The following NGEF variants were observed in gnomAD, a reference collection of about 807,000 sequenced individuals.
The protein encoded by NGEF is neuronal guanine nucleotide exchange factor, also known as ephexin-1.
NGEF carries 31 observed loss-of-function variants against 80.9 expected under a neutral mutation model. The ratio of observed to expected loss-of-function variants is 0.38; its 90% confidence interval spans 0.29 to 0.52. The LOEUF (loss-of-function observed/expected upper bound fraction) is 0.52, where lower values mean the gene tolerates loss of function less well. Ranked by LOEUF, NGEF falls within the 20% of genes least tolerant of loss-of-function variation. NGEF has a pLI of 0.84. For synonymous variants in NGEF, 371 were observed against 370.2 expected, an observed-to-expected ratio of 1.00 and a Z score of -0.03; for missense variants, 709 against 926.2, an observed-to-expected ratio of 0.77 and a Z score of 3.04.
At chr2:233,003,027 G>C (rs1695012963) in intron 1 of NGEF, among the ~76,000 whole-genome samples, 1 of 152,182 alleles carries the variant, frequency 6.6e-6, no homozygotes, top group Non-Finnish European at 1.5e-5. Context: ...TCTAGGGGGA[G>C]GGTGCACGCC....
chr2:232,944,435 G>C lies in NGEF; in HGVS notation c.384-17249C>G, dbSNP rs191657797. Among the ~76,000 whole-genome samples, 27 of 152,094 alleles carry C rather than the reference G, an allele frequency of 1.8e-4. No homozygotes were observed. In the East Asian group the frequency reaches 5.0e-3, roughly 28 times the overall value. On this transcript the variant is annotated intron_variant, in intron 3 of 14. Transcript: ENST00000264051. The stretch of plus-strand genomic sequence containing the variant: ...CTGAGTACCTATCCTAAGGAGACTG[G>C]TTGAATGAACCATGGTATAGTCACC...
chr2:232,979,522 C>T (rs1295913698), intron 1 of NGEF, among the ~76,000 whole-genome samples: 1 of 152,222 alleles, frequency 6.6e-6, no homozygotes, highest in Non-Finnish European at 1.5e-5. Flanking sequence ...TAACGATTAA[C>T]TGCCAGAAAA....
chr2:232,992,007 G>A (rs1694660306), intron 1 of NGEF, among the ~76,000 whole-genome samples: 1 of 152,134 alleles, frequency 6.6e-6, no homozygotes, highest in Non-Finnish European at 1.5e-5. Flanking sequence ...ATAGTGCTGG[G>A]ACAACTGGGT....
intron 5 of NGEF, among the ~76,000 whole-genome samples, chr2:232,902,206 G>A (rs1692377015): frequency 1.3e-5 from 2 of 152,222 alleles, no homozygotes; most frequent in East Asian, 1.9e-4. Flanking sequence ...TGCTGCTGGT[G>A]CAGTCATTTA....
intron 1 of NGEF, among the ~76,000 whole-genome samples, chr2:232,988,036 CGTGTGTGT>C (rs57143286): frequency 0.028 from 3,873 of 140,328 alleles, 185 homozygotes; most frequent in African/African-American, 0.094. Context: ...GGGATGGTCT[CGTGTGTGT>C]GTGTGTGTGT....
At chr2:232,957,312 T>C (rs566231757) in intron 3 of NGEF, among the ~76,000 whole-genome samples, 1 of 152,186 alleles carries the variant, frequency 6.6e-6, no homozygotes, top group South Asian at 2.1e-4. Context: ...ATTATTATTA[T>C]TACTACTACT....
intron 1 of NGEF, among the ~76,000 whole-genome samples, chr2:232,993,196 T>TTA (rs1489215162): frequency 1.5e-5 from 2 of 134,062 alleles, no homozygotes; most frequent in Non-Finnish European, 3.1e-5. Context: ...ATATATTTAT[T>TTA]TATATATATA....
chr2:232,894,219 G>A (rs1171991437), intron 6 of NGEF, among the ~76,000 whole-genome samples: 4 of 152,170 alleles, frequency 2.6e-5, no homozygotes, highest in Admixed American at 1.3e-4. Flanking sequence ...GCTGCAGCTC[G>A]GCCCAGGCTT....
chr2:232,893,716 C>T (rs1250245751), intron 6 of NGEF, among the ~76,000 whole-genome samples: 1 of 152,056 alleles, frequency 6.6e-6, no homozygotes, highest in Non-Finnish European at 1.5e-5. Flanking sequence ...CGGAGGTTGC[C>T]ATGAGTTGAG....
chr2:232,887,551 A>G (rs1691731029), intron 9 of NGEF, among the ~76,000 whole-genome samples: 1 of 152,126 alleles, frequency 6.6e-6, no homozygotes, highest in Admixed American at 6.5e-5. Flanking sequence ...ATCAGGGCAC[A>G]GGGAAAGTGG....
chr2:233,003,599 C>T (rs1574666040), intron 1 of NGEF, among the ~76,000 whole-genome samples: 1 of 152,280 alleles, frequency 6.6e-6, no homozygotes, highest in Non-Finnish European at 1.5e-5. Context: ...CCTGCCCTAC[C>T]ACCCCCACTG....
At chr2:232,898,091 C>T (rs574828713) in intron 5 of NGEF, among the ~76,000 whole-genome samples, 3 of 152,328 alleles carry the variant, frequency 2.0e-5, no homozygotes, top group South Asian at 2.1e-4. Context: ...TTCTCAGCTA[C>T]AGATGCTGTT....
intron 1 of NGEF, among the ~76,000 whole-genome samples, chr2:232,991,005 C>A (rs1230723288): frequency 6.6e-6 from 1 of 151,536 alleles, no homozygotes; most frequent in Non-Finnish European, 1.5e-5. Flanking sequence ...AGGCATATGA[C>A]ATCAAATAGT....
intron 1 of NGEF, among the ~76,000 whole-genome samples, chr2:232,996,503 A>G (rs1694852317): frequency 6.6e-6 from 1 of 152,232 alleles, no homozygotes; most frequent in Non-Finnish European, 1.5e-5. Flanking sequence ...TTCCCTTGGT[A>G]TCCGTGGGGG....
At chr2:232,888,946 G>A (rs920530816) in intron 8 of NGEF, among the ~76,000 whole-genome samples, 2 of 152,018 alleles carry the variant, frequency 1.3e-5, no homozygotes, top group African/African-American at 2.4e-5. Flanking sequence ...CCATGCCCAC[G>A]TTTTCTGACT....
chr2:232,978,147 C>T (rs764795285), intron 1 of NGEF, among the ~76,000 whole-genome samples: 1 of 132,516 alleles, frequency 7.5e-6, no homozygotes, highest in Admixed American at 7.6e-5. Flanking sequence ...GTGTTGTGAT[C>T]CTAACATGAA....
intron 5 of NGEF, among the ~76,000 whole-genome samples, chr2:232,906,542 G>A (rs112185694): frequency 5.4e-4 from 6 of 11,148 alleles, no homozygotes; most frequent in Admixed American, 1.7e-3. Context: ...CCCCCCGCCC[G>A]GTCAGCCGCC....
chr2:232,908,988 TCGGGTTTTTTAAGTAGGAAA>T (rs978573908), intron 5 of NGEF, among the ~76,000 whole-genome samples: 1 of 152,222 alleles, frequency 6.6e-6, no homozygotes, highest in African/African-American at 2.4e-5. Flanking sequence ...TTTGATTCTC[TCGGGTTTTTTAAGTAGGAAA>T]CCGTAACTGG....
Position 232,897,206 on chromosome 2 carries a change from C to T in NGEF, c.829-2290G>A, listed in dbSNP as rs939412478. On this transcript the variant is annotated intron_variant, in intron 5 of 14. Coordinates refer to ENST00000264051, the MANE Select transcript of NGEF (RefSeq NM_019850.3). ...CCTCACTCCTTTTAGGGCCGCCCTC[C>T]GGTTTCTCCACTCATCAGAGCCCTG... Among the ~76,000 whole-genome samples the T allele has an allele frequency of 2.0e-4, 30 of 151,842 alleles. No individual in the cohort carries two copies. The East Asian group carries it at 2.5e-3, about 13-fold the overall frequency.
Sources: gnomAD v4.1 joint callset for allele counts (sites outside exome capture counted in the v4.1 genomes callset) on GRCh38, gnomAD v4.1.1 for gene constraint, MANE v1.5 for transcripts, NCBI Gene and HGNC (gene_info 2026-07-23, HGNC 2026-07-21) for gene names.